The following PRKACA variants were observed in gnomAD, a reference collection of about 807,000 sequenced individuals.
PRKACA encodes protein kinase cAMP-activated catalytic subunit alpha, also known as cAMP-dependent protein kinase catalytic subunit alpha.
A neutral mutation model predicts 45.8 loss-of-function variants in PRKACA; 9 were observed. The observed-to-expected ratio is 0.20, with a 90% confidence interval of 0.12 to 0.34. PRKACA has a LOEUF of 0.34. PRKACA is among the 10% of genes least tolerant of loss of function. The pLI, the probability that PRKACA is intolerant of heterozygous loss-of-function variation, is 1.00. For synonymous variants in PRKACA, 160 were observed against 178.6 expected, an observed-to-expected ratio of 0.90 and a Z score of 0.83; for missense variants, 238 against 458.6, an observed-to-expected ratio of 0.52 and a Z score of 4.39.
chr19:14,111,442 C>T (rs920807836), intron 1 of PRKACA, among the ~76,000 whole-genome samples: 4 of 151,872 alleles, frequency 2.6e-5, no homozygotes, highest in Non-Finnish European at 5.9e-5. Flanking sequence ...GGAGAGAGAC[C>T]GTGGCCAAGA....
chr19:14,110,058 C>T (rs936108081), intron 1 of PRKACA, among the ~76,000 whole-genome samples: 2 of 140,414 alleles, frequency 1.4e-5, no homozygotes, highest in African/African-American at 5.3e-5. Flanking sequence ...GCCTGTAATC[C>T]CAGTGCTTTA....
chr19:14,094,851 G>A (rs1977198459), intron 8 of PRKACA, among the ~76,000 whole-genome samples: 1 of 152,206 alleles, frequency 6.6e-6, no homozygotes, highest in African/African-American at 2.4e-5. Flanking sequence ...CTTCTTGAAA[G>A]TTTTCCCCAA....
At chr19:14,093,962 G>A (rs984391281) in intron 8 of PRKACA, among the ~76,000 whole-genome samples, 170 bp from the exon 9 acceptor site, 5 of 152,074 alleles carry the variant, frequency 3.3e-5, no homozygotes, top group African/African-American at 1.2e-4. Flanking sequence ...TTCCAATTTA[G>A]GAAGTCTGAT....
chr19:14,107,602 C>T lies in PRKACA; in HGVS notation c.47-193G>A, dbSNP rs143245334. The T allele has an allele frequency of 1.0e-3, 1,359 of 1,316,198 alleles. 2 individuals are homozygous for T. The highest frequency in any genetic ancestry group is 1.2e-3 in the Non-Finnish European group (1,219 of 991,430). 81.5% of individuals were successfully genotyped at this position (1,316,198 alleles called of 1,614,324 possible). ...CTTGCTACAGAGAGGTGGGATCCAG[C>T]TGCCACTCCATCCAAAGTGGGGTAC... is the stretch of plus-strand genomic sequence containing the variant. On this transcript the variant is annotated intron_variant, in intron 1 of 9. Coordinates refer to ENST00000308677, the MANE Select transcript of PRKACA (RefSeq NM_002730.4).
At chr19:14,095,488 G>C (rs1241303184) in intron 8 of PRKACA, among the ~76,000 whole-genome samples, 2 of 150,728 alleles carry the variant, frequency 1.3e-5, no homozygotes, top group Admixed American at 1.3e-4. Context: ...CCATTTTCTT[G>C]GCAGTTTCTT....
At position 14,102,929 on chromosome 19, in the gene PRKACA, A is replaced by C. The variant is rs1277144283; in HGVS notation, c.238-15T>G. ...AGTTTCACCACCTGGGAAGGGAAGG[A>C]GGGGAGGGCAGAAAGGAGGGGGAGG... On this transcript the variant is annotated splice_polypyrimidine_tract_variant and intron_variant, in intron 3 of 9. Coordinates refer to ENST00000308677, the MANE Select transcript of PRKACA (RefSeq NM_002730.4). 1.3e-6 allele frequency: 2 copies of C among 1,590,784 alleles called. No individual in the cohort carries two copies. Among genetic ancestry groups the C allele is most frequent in the Non-Finnish European group, 8.6e-7 (1 of 1,158,954 alleles).
At position 14,093,042 on chromosome 19, in the gene PRKACA, A is replaced by ACACCC; in HGVS notation, c.*69_*70insGGGTG. On this transcript the variant is annotated 3_prime_UTR_variant, in exon 10 of 10. Coordinates refer to ENST00000308677, the MANE Select transcript of PRKACA (RefSeq NM_002730.4). ...TGGGGCCCTCTGGCTGTTCAATCCA[A>ACACCC]CCCTCCCACCCCCCCGACCAAAAAA... The ACACCC allele has an allele frequency of 1.1e-5, 2 of 179,798 alleles. No individual in the cohort carries two copies. Among genetic ancestry groups the ACACCC allele is most frequent in the Non-Finnish European group, 2.2e-5 (2 of 90,682 alleles). 11.1% of individuals were successfully genotyped at this position (179,798 alleles called of 1,614,324 possible).
chr19:14,091,909 TTTCTATTAC>T lies in PRKACA; in HGVS notation c.*1194_*1202del, dbSNP rs1220900982. The T allele has an allele frequency of 6.6e-6, 1 of 152,042 alleles. No individual in the cohort carries two copies. The highest frequency in any genetic ancestry group is 1.5e-5 in the Non-Finnish European group (1 of 67,956). 9.4% of individuals were successfully genotyped at this position (152,042 alleles called of 1,614,324 possible). A position where few individuals can be genotyped will look rare whatever the true frequency, so the allele number is the denominator to read the frequency against. ...GGTGGCTCCCCAGCGGCTCCCCACT[TTTCTATTAC>T]GAGAGAAAAAAGCACAAATGAGAAA... On this transcript the variant is annotated 3_prime_UTR_variant, in exon 10 of 10. Transcript: ENST00000308677.
intron 1 of PRKACA, among the ~76,000 whole-genome samples, chr19:14,114,849 C>T (rs1203238229): frequency 1.3e-5 from 2 of 152,162 alleles, no homozygotes; most frequent in African/African-American, 4.8e-5. Context: ...CTCTGTCCTG[C>T]CCTGGCACAG....
chr19:14,100,975 G>A, intron 4 of PRKACA, 67 bp from the exon 5 acceptor site: 1 of 1,383,880 alleles, frequency 7.2e-7, no homozygotes, highest in African/African-American at 1.4e-5. Flanking sequence ...AGGCCTTGGG[G>A]GCCTCCCCGG....
At chr19:14,108,008 T>C (rs982768497) in intron 1 of PRKACA, 2 of 985,956 alleles carry the variant, frequency 2.0e-6, no homozygotes, top group Non-Finnish European at 2.4e-6. Context: ...ATGTTGAAAC[T>C]TCCCCGGCAG....
At position 14,092,723 on chromosome 19, in the gene PRKACA, T is replaced by A. The variant is rs1413305776; in HGVS notation, c.*389A>T. ...TGGTTGGGTGGGATGGGGGTGTGGG[T>A]GGGGGCTGGAGTTAAGCGTGAGCCC... On this transcript the variant is annotated 3_prime_UTR_variant, in exon 10 of 10. Transcript: ENST00000308677. 7.9e-6 allele frequency: 2 copies of A among 254,374 alleles called. No individual in the cohort carries two copies. Among genetic ancestry groups the A allele is most frequent in the East Asian group, 6.9e-5 (1 of 14,592 alleles). 15.8% of individuals were successfully genotyped at this position (254,374 alleles called of 1,614,324 possible).
chr19:14,115,229 T>C, intron 1 of PRKACA: 4 of 512,026 alleles, frequency 7.8e-6, no homozygotes, highest in Non-Finnish European at 1.0e-5. Flanking sequence ...TTAATGCGTA[T>C]CAGAGAAAAT....
At chr19:14,100,961 C>T in intron 4 of PRKACA, 53 bp from the exon 5 acceptor site, 3 of 1,536,106 alleles carry the variant, frequency 2.0e-6, no homozygotes, top group Non-Finnish European at 2.7e-6. Flanking sequence ...TGGACCCGAT[C>T]TGAAGGCCTT....
chr19:14,093,560 A>C (rs926953573), intron 9 of PRKACA, 68 bp downstream of exon 9: 2 of 1,531,280 alleles, frequency 1.3e-6, no homozygotes, highest in African/African-American at 2.8e-5. Flanking sequence ...CTATTTCTCT[A>C]TTGGCTGTCC....
chr19:14,115,814 G>A (rs771080962), intron 1 of PRKACA, among the ~76,000 whole-genome samples: 7 of 152,026 alleles, frequency 4.6e-5, no homozygotes, highest in Non-Finnish European at 1.0e-4. Flanking sequence ...GCAATATATA[G>A]CTGCCTGCCT....
In PRKACA at chr19:14,100,914, G is replaced by A. The variant is rs1270403049; in HGVS notation, c.337-6C>T. ...ATGTATAAGTTTGAGTTGTCCTGTGGGAAGCAGTGGCTGGTCAAGGGCCCA... is the reference window on the plus strand; with the variant it reads ...ATGTATAAGTTTGAGTTGTCCTGTGAGAAGCAGTGGCTGGTCAAGGGCCCA... On this transcript the variant is annotated splice_region_variant and splice_polypyrimidine_tract_variant and intron_variant, in intron 4 of 9. Coordinates refer to ENST00000308677, the MANE Select transcript of PRKACA (RefSeq NM_002730.4). The A allele has an allele frequency of 4.3e-6, 7 of 1,613,720 alleles. No homozygotes were observed. Among genetic ancestry groups the A allele is most frequent in the Non-Finnish European group, 5.9e-6 (7 of 1,179,746 alleles).
In PRKACA at chr19:14,106,841, C is replaced by G. The variant is rs745853839; in HGVS notation, c.156G>C (p.Thr52=). The G allele has an allele frequency of 6.2e-7, 1 of 1,614,202 alleles. No individual in the cohort carries two copies. Among genetic ancestry groups the G allele is most frequent in the East Asian group, 2.2e-5 (1 of 44,860 alleles). ...DQFERIKTLG[T]GSFGRVMLVK... is the part of the protein sequence containing the mutation. ...CCAGCATCACCCGCCCGAAGGAGCC[C>G]GTGCCGAGGGTCTTGATTCGTTCAA... The change falls in exon 3 of 10, where the codon ACG becomes ACC. Residue 52 remains threonine, a synonymous_variant. Coordinates refer to ENST00000308677, the MANE Select transcript of PRKACA (RefSeq NM_002730.4).
chr19:14,116,203 C>T (rs1967103208), intron 1 of PRKACA, among the ~76,000 whole-genome samples: 1 of 152,188 alleles, frequency 6.6e-6, no homozygotes, highest in Non-Finnish European at 1.5e-5. Context: ...TCCCAGCTGC[C>T]TTCCAGCTTT....
Sources: allele counts gnomAD v4.1 joint callset (sites outside exome capture counted in the v4.1 genomes callset), GRCh38; gene constraint gnomAD v4.1.1; transcripts MANE v1.5; gene names NCBI Gene and HGNC (gene_info 2026-07-23, HGNC 2026-07-21).